The following GRAMD1B variants were observed in gnomAD, a reference collection of about 807,000 sequenced individuals.
GRAMD1B encodes protein Aster-B.
Under a neutral mutation model 99.7 loss-of-function variants are expected in GRAMD1B, and 37 were observed. The ratio of observed to expected loss-of-function variants is 0.37; its 90% CI spans 0.29 to 0.49. The LOEUF is 0.49. GRAMD1B is among the 20% of genes least tolerant of loss of function. The probability of loss-of-function intolerance (pLI) is 0.98; values close to 1 mark genes in which losing one functional copy is unlikely to be tolerated. For missense variants in GRAMD1B, 888 were observed against 1,009.2 expected, an observed-to-expected ratio of 0.88 and a Z score of 1.63; for synonymous variants, 427 against 387.6, an observed-to-expected ratio of 1.10 and a Z score of -1.19.
chr11:123,491,970 G>A (rs532222405), intron 2 of GRAMD1B: 11 of 399,120 alleles, frequency 2.8e-5, no homozygotes, highest in African/African-American at 2.3e-4. Flanking sequence ...GTAGGTGGTG[G>A]GGACCCTGGA....
chr11:123,561,239 C>A (rs573796026), intron 2 of GRAMD1B, among the ~76,000 whole-genome samples: 1 of 152,088 alleles, frequency 6.6e-6, no homozygotes, highest in African/African-American at 2.4e-5. Context: ...TGTGGACAGG[C>A]CATGTGCTCC....
chr11:123,518,213 A>T (rs1019024767), intron 2 of GRAMD1B, among the ~76,000 whole-genome samples: 21 of 152,142 alleles, frequency 1.4e-4, no homozygotes, highest in Non-Finnish European at 2.8e-4. Context: ...GGGTCTCGTG[A>T]TCCGGGACAC....
At chr11:123,603,239 C>G (rs1157961403) in intron 8 of GRAMD1B, among the ~76,000 whole-genome samples, 187 bp from the exon 9 acceptor site, 2 of 152,196 alleles carry the variant, frequency 1.3e-5, no homozygotes, top group Admixed American at 1.3e-4. Flanking sequence ...AGTCCACATT[C>G]CTAGGCAGAA....
At chr11:123,360,927 C>T (rs941928146) in intron 1 of GRAMD1B, among the ~76,000 whole-genome samples, 9 of 152,010 alleles carry the variant, frequency 5.9e-5, no homozygotes, top group African/African-American at 2.2e-4. Context: ...AGTGATTCTC[C>T]TGCCTCAGCC....
At chr11:123,622,467 C>G (rs1451235775) in intron 19 of GRAMD1B, 39 bp from the exon 20 acceptor site, 5 of 1,268,964 alleles carry the variant, frequency 3.9e-6, no homozygotes, top group South Asian at 2.5e-5. Context: ...CCACTAAAAG[C>G]GCAGACCCAG....
intron 1 of GRAMD1B, among the ~76,000 whole-genome samples, chr11:123,441,255 G>C (rs77780929): frequency 6.6e-6 from 1 of 151,992 alleles, no homozygotes; most frequent in East Asian, 1.9e-4. Context: ...ACTCATTCTC[G>C]AAAGAATGGC....
exon 1 of GRAMD1B, chr11:123,358,537 G>C (rs1295746135): frequency 6.6e-6 from 1 of 152,102 alleles, no homozygotes; most frequent in Non-Finnish European, 1.5e-5. Flanking sequence ...CGGCCGTCCC[G>C]GCTCCGAGGG....
Position 123,511,348 on chromosome 11 carries a change from A to G in GRAMD1B, c.452+30455A>G, listed in dbSNP as rs187245184. 6.0e-3 allele frequency among the ~76,000 whole-genome samples: 915 copies of G among 152,166 alleles called. 7 individuals are homozygous for G. Among genetic ancestry groups the G allele is most frequent in the African/African-American group, 0.02 (826 of 41,516 alleles). Reference sequence around the variant, plus strand: ...CGCCCACTGCTCGCCGGATGCCCCAATGGCAGTGCGGGCCCGGGCACCTCC... The same window carrying G: ...CGCCCACTGCTCGCCGGATGCCCCAGTGGCAGTGCGGGCCCGGGCACCTCC... On this transcript the variant is annotated intron_variant, in intron 2 of 19. Transcript: ENST00000635736.
chr11:123,577,332 T>C (rs558521447), intron 2 of GRAMD1B, 35 bp from the exon 3 acceptor site: 1 of 1,527,862 alleles, frequency 6.5e-7, no homozygotes. Flanking sequence ...TCCTTCTCTT[T>C]CCACCCCGCT....
intron 2 of GRAMD1B, among the ~76,000 whole-genome samples, chr11:123,484,549 C>T (rs977725615): frequency 1.6e-4 from 24 of 152,130 alleles, no homozygotes; most frequent in African/African-American, 5.8e-4. Flanking sequence ...CTCGCAGTCC[C>T]CTAAGCTCTT....
intron 1 of GRAMD1B, among the ~76,000 whole-genome samples, chr11:123,377,336 A>G (rs1946721651): frequency 6.6e-6 from 1 of 152,238 alleles, no homozygotes; most frequent in Non-Finnish European, 1.5e-5. Context: ...ACTCATGTGA[A>G]CTTAATGATC....
chr11:123,420,117 A>G (rs1235407635), intron 1 of GRAMD1B, among the ~76,000 whole-genome samples: 1 of 152,228 alleles, frequency 6.6e-6, no homozygotes, highest in African/African-American at 2.4e-5. Context: ...GGCTACTTTT[A>G]AAGGTCTTTT....
At chr11:123,468,795 CAA>C (rs11446671) in intron 1 of GRAMD1B, among the ~76,000 whole-genome samples, 40 of 98,000 alleles carry the variant, frequency 4.1e-4, no homozygotes, top group African/African-American at 9.0e-4. Context: ...GACCCTGTAT[CAA>C]AAAAAAAAAA....
chr11:123,525,966 G>C (rs35709687), intron 2 of GRAMD1B: 143,775 of 605,070 alleles, frequency 0.24, 18,493 homozygotes, highest in African/African-American at 0.3. Flanking sequence ...GGGAAGAAGG[G>C]GCAGTGGCAG....
chr11:123,474,496 A>G (rs977636258), intron 1 of GRAMD1B, among the ~76,000 whole-genome samples: 5 of 152,176 alleles, frequency 3.3e-5, no homozygotes, highest in African/African-American at 1.2e-4. Context: ...TAAATAGAGG[A>G]CTAAGTTGTG....
intron 2 of GRAMD1B, among the ~76,000 whole-genome samples, chr11:123,517,640 C>CA (rs1941798986): frequency 6.8e-6 from 1 of 146,922 alleles, no homozygotes; most frequent in African/African-American, 2.5e-5. Context: ...CCACAATACA[C>CA]ACCACCGGGG....
In GRAMD1B at chr11:123,522,387, C is replaced by T. The variant is rs139527254; in HGVS notation, c.452+41494C>T. Reference sequence around the variant, plus strand: ...AGGCTGGAGTGCAGTGGCGTGATCTCGACTCACTGCAACTTCCACCTCCCA... The same window carrying T: ...AGGCTGGAGTGCAGTGGCGTGATCTTGACTCACTGCAACTTCCACCTCCCA... On this transcript the variant is annotated intron_variant, in intron 2 of 19. Transcript: ENST00000635736. 5.3e-4 allele frequency among the ~76,000 whole-genome samples: 80 copies of T among 152,138 alleles called. No individual in the cohort carries two copies. The East Asian group carries it at 0.013, about 24-fold the overall frequency.
At position 123,624,793 on chromosome 11, in the gene GRAMD1B, C is replaced by A. The variant is rs1175613046; in HGVS notation, c.*2198C>A. 1 of 152,138 alleles carries A rather than the reference C, an allele frequency of 6.6e-6. No homozygotes were observed. The highest frequency in any genetic ancestry group is 1.5e-5 in the Non-Finnish European group (1 of 68,028). The allele number at this position is 152,138 out of a possible 1,614,324, so 9.4% of individuals were successfully genotyped here. ...AATTATTAAAGGTGCCACGGTGGGA[C>A]CTTTGGGATGACTTAAAAAGGGTTC... On this transcript the variant is annotated 3_prime_UTR_variant, in exon 20 of 20. Coordinates refer to ENST00000635736, the MANE Select transcript of GRAMD1B (RefSeq NM_001387025.1).
intron 1 of GRAMD1B, among the ~76,000 whole-genome samples, chr11:123,477,820 G>A (rs1301733149): frequency 6.9e-6 from 1 of 144,978 alleles, no homozygotes; most frequent in Non-Finnish European, 1.5e-5. Flanking sequence ...TGTCGCCCAG[G>A]CTGGAGTGTA....
Sources: allele counts gnomAD v4.1 joint callset (sites outside exome capture counted in the v4.1 genomes callset), GRCh38; gene constraint gnomAD v4.1.1; transcripts MANE v1.5; gene names NCBI Gene and HGNC (gene_info 2026-07-23, HGNC 2026-07-21).